UBR2: variants seen among roughly 807,000 people sequenced by gnomAD.
UBR2 encodes ubiquitin protein ligase E3 component n-recognin 2, also known as E3 ubiquitin-protein ligase UBR2.
Under a neutral mutation model 247.9 loss-of-function variants are expected in UBR2, and 92 were observed. That is an observed-to-expected ratio of 0.37 (90% CI 0.31 to 0.44). UBR2 has a LOEUF of 0.44. Among genes scored for constraint, UBR2 ranks in the 20% least tolerant of loss-of-function variants. UBR2 has a pLI of 1.00. For synonymous variants in UBR2, 672 were observed against 693.5 expected, an observed-to-expected ratio of 0.97 and a Z score of 0.49; for missense variants, 1,613 against 2,112.6, an observed-to-expected ratio of 0.76 and a Z score of 4.64.
intron 25 of UBR2, among the ~76,000 whole-genome samples, chr6:42,655,118 A>G (rs1797360825): frequency 6.6e-6 from 1 of 152,202 alleles, no homozygotes; most frequent in African/African-American, 2.4e-5. Flanking sequence ...GAAGTAGAAA[A>G]TTTTGTTTTT....
chr6:42,660,291 A>G (rs1797724097), intron 30 of UBR2, among the ~76,000 whole-genome samples: 1 of 152,174 alleles, frequency 6.6e-6, no homozygotes, highest in Non-Finnish European at 1.5e-5. Context: ...TAGAATAGTA[A>G]TACCACCACA....
intron 11 of UBR2, among the ~76,000 whole-genome samples, chr6:42,629,656 C>A (rs1291683344): frequency 2.0e-5 from 3 of 151,686 alleles, no homozygotes; most frequent in African/African-American, 7.3e-5. Context: ...AACTCTGTCT[C>A]AAAAAAATAT....
chr6:42,664,500 A>T (rs1798001226), intron 32 of UBR2, among the ~76,000 whole-genome samples: 1 of 152,170 alleles, frequency 6.6e-6, no homozygotes. Context: ...TAAACGATCC[A>T]TTTCTGTGTT....
chr6:42,578,985 A>G (rs1791700881), intron 2 of UBR2, among the ~76,000 whole-genome samples: 1 of 151,880 alleles, frequency 6.6e-6, no homozygotes, highest in African/African-American at 2.4e-5. Context: ...ACACACACAC[A>G]CACACACACA....
intron 23 of UBR2, among the ~76,000 whole-genome samples, 189 bp from the exon 24 acceptor site, chr6:42,651,834 A>G (rs955731070): frequency 6.6e-6 from 1 of 152,058 alleles, no homozygotes; most frequent in African/African-American, 2.4e-5. Flanking sequence ...ATCCTTGGCC[A>G]GACACATTGG....
chr6:42,587,868 AT>A (rs56295977), intron 2 of UBR2, among the ~76,000 whole-genome samples: 103,008 of 151,728 alleles, frequency 0.68, 35,548 homozygotes, highest in African/African-American at 0.81. Context: ...TTTTGCACTT[AT>A]TTTTTTCTCC....
At chr6:42,678,010 C>T (rs1356686047) in intron 40 of UBR2, among the ~76,000 whole-genome samples, 1 of 151,886 alleles carries the variant, frequency 6.6e-6, no homozygotes, top group Non-Finnish European at 1.5e-5. Context: ...GCCTGGACAA[C>T]TTTTCATTTT....
chr6:42,619,433 A>ATTTTT (rs1794783409), intron 11 of UBR2: 1 of 19,536 alleles, frequency 5.1e-5, no homozygotes, highest in African/African-American at 2.0e-4. Flanking sequence ...ATATATATAT[A>ATTTTT]TATATATATA....
At chr6:42,604,980 T>C (rs997577045) in intron 5 of UBR2, among the ~76,000 whole-genome samples, 22 of 152,104 alleles carry the variant, frequency 1.4e-4, no homozygotes, top group African/African-American at 4.6e-4. Flanking sequence ...TGAGCCAAGA[T>C]TGTGCCACTG....
chr6:42,650,191 G>A, intron 22 of UBR2, 93 bp from the exon 23 acceptor site: 1 of 1,031,786 alleles, frequency 9.7e-7, no homozygotes. Flanking sequence ...CAGTATATGA[G>A]AGCTCTGCTT....
At chr6:42,565,374 T>A (rs761522434) in intron 1 of UBR2, among the ~76,000 whole-genome samples, 7 of 152,178 alleles carry the variant, frequency 4.6e-5, no homozygotes, top group Non-Finnish European at 1.0e-4. Flanking sequence ...GTCAGCAATC[T>A]GAATGCTACG....
intron 13 of UBR2, 53 bp downstream of exon 13, chr6:42,632,957 T>TCA: frequency 1.1e-6 from 1 of 902,602 alleles, no homozygotes; most frequent in Non-Finnish European, 1.5e-6. Context: ...TTCTCTTTTC[T>TCA]CTTTTTTTTT....
chr6:42,652,207 A>G, intron 24 of UBR2, 136 bp downstream of exon 24: 1 of 887,988 alleles, frequency 1.1e-6, no homozygotes. Context: ...CCTCCTATTC[A>G]GAGGAATAAT....
intron 40 of UBR2, among the ~76,000 whole-genome samples, chr6:42,678,127 G>C (rs751830349): frequency 8.5e-5 from 13 of 152,142 alleles, no homozygotes; most frequent in Non-Finnish European, 1.5e-4. Flanking sequence ...ACAAGATCAG[G>C]AGATCGAGAC....
intron 37 of UBR2, 45 bp from the exon 38 acceptor site, chr6:42,674,081 G>A (rs1321389387): frequency 1.3e-6 from 2 of 1,559,168 alleles, no homozygotes; most frequent in East Asian, 2.2e-5. Flanking sequence ...ATTTTAACAT[G>A]TTGGCATATG....
intron 13 of UBR2, among the ~76,000 whole-genome samples, chr6:42,633,272 C>T (rs1006061569): frequency 6.6e-5 from 10 of 152,100 alleles, no homozygotes; most frequent in African/African-American, 2.4e-4. Context: ...TGGATGGCTG[C>T]AATTCTGACC....
At chr6:42,663,617 A>T (rs187446157) in intron 32 of UBR2, among the ~76,000 whole-genome samples, 198 bp downstream of exon 32, 366 of 152,314 alleles carry the variant, frequency 2.4e-3, no homozygotes, top group Admixed American at 6.3e-3. Flanking sequence ...AAAATTTAAC[A>T]GTTTCTAAGC....
chr6:42,658,421 T>G (rs1306445897), intron 28 of UBR2, 101 bp downstream of exon 28: 1 of 1,222,302 alleles, frequency 8.2e-7, no homozygotes, highest in Non-Finnish European at 1.1e-6. Context: ...CTCACAACAT[T>G]TAAATTCCAA....
At chr6:42,614,375 T>TATATATGTATGTACGTACGTACATAC (rs70990112) in intron 8 of UBR2, among the ~76,000 whole-genome samples, 1 of 69,752 alleles carries the variant, frequency 1.4e-5, no homozygotes, top group African/African-American at 5.4e-5. Flanking sequence ...TGTGTATGTG[T>TATATATGTATGTACGTACGTACATAC]GTATATATGT....
Sources: gnomAD v4.1 joint callset for allele counts (sites outside exome capture counted in the v4.1 genomes callset) on GRCh38, gnomAD v4.1.1 for gene constraint, MANE v1.5 for transcripts, NCBI Gene and HGNC (gene_info 2026-07-23, HGNC 2026-07-21) for gene names.